PRDM1: variants seen among roughly 807,000 people sequenced by gnomAD.
PRDM1 encodes the protein PR domain zinc finger protein 1.
Under a neutral mutation model 62.8 loss-of-function variants are expected in PRDM1, and 13 were observed. The ratio of observed to expected loss-of-function variants is 0.21; its 90% CI spans 0.13 to 0.33. The LOEUF (loss-of-function observed/expected upper bound fraction) is 0.33. PRDM1 is among the 10% of genes least tolerant of loss of function. The pLI is 1.00. For synonymous variants in PRDM1, 396 were observed against 417.6 expected, an observed-to-expected ratio of 0.95 and a Z score of 0.63; for missense variants, 895 against 1,058.8, an observed-to-expected ratio of 0.85 and a Z score of 2.15.
chr6:106,086,871 A>T (rs1773823659), intron 1 of PRDM1, among the ~76,000 whole-genome samples: 1 of 152,090 alleles, frequency 6.6e-6, no homozygotes, highest in Non-Finnish European at 1.5e-5. Context: ...GAAGTTTTCT[A>T]TTTTATTTTA....
rs2114652393 is a variant in PRDM1, at chr6:106,105,104, C to T, written c.944C>T (p.Ala315Val). The change falls in exon 5 of 7, where the codon GCC becomes GTC. Residue 315 changes from alanine to valine, a missense_variant. Ala to Val is a moderately conservative substitution (Grantham distance 64). Around this residue, in one of 4 missense-constraint regions of PRDM1, gnomAD observed 444 missense variants for 422.7 expected, o/e 1.05. Coordinates refer to ENST00000369096, the MANE Select transcript of PRDM1 (RefSeq NM_001198.4). The part of the protein sequence containing the change: ...LPEDFLKASL[A>V]YGIERPTYIT... ...GAAGACTTTTTGAAAGCTTCCCTGGCCTACGGGATCGAGAGACCCACGTAC... is the reference window on the plus strand; with the variant it reads ...GAAGACTTTTTGAAAGCTTCCCTGGTCTACGGGATCGAGAGACCCACGTAC... The T allele has an allele frequency of 6.2e-7, 1 of 1,614,064 alleles. No individual in the cohort carries two copies. The highest frequency in any genetic ancestry group is 8.5e-7 in the Non-Finnish European group (1 of 1,180,002).
intron 1 of PRDM1, among the ~76,000 whole-genome samples, chr6:106,006,986 A>C (rs1050746199): frequency 1.3e-5 from 2 of 151,952 alleles, no homozygotes; most frequent in Non-Finnish European, 1.5e-5. Context: ...AGTCATGCTT[A>C]TTATCTGCAG....
In PRDM1 at chr6:106,107,027, C is replaced by T. The variant is rs2114662393; in HGVS notation, c.2019C>T (p.His673=). Residue 673 remains histidine (H), a synonymous_variant, in exon 7 of 7, where the codon CAC becomes CAT. Coordinates refer to ENST00000369096, the MANE Select transcript of PRDM1 (RefSeq NM_001198.4). Reference sequence around the variant, plus strand: ...CTGCCAAGTTCACCCAGTTTGTGCACCTGAAACTGCACAAGCGTCTGCACA... The same window carrying T: ...CTGCCAAGTTCACCCAGTTTGTGCATCTGAAACTGCACAAGCGTCTGCACA... ...VCPAKFTQFV[H]LKLHKRLHTR... is the part of the protein sequence containing the mutation. The T allele has an allele frequency of 6.2e-7, 1 of 1,614,184 alleles. No homozygotes were observed. Among genetic ancestry groups the T allele is most frequent in the Non-Finnish European group, 8.5e-7 (1 of 1,180,038 alleles).
At chr6:106,015,806 G>A (rs891556333) in intron 1 of PRDM1, among the ~76,000 whole-genome samples, 3 of 151,570 alleles carry the variant, frequency 2.0e-5, no homozygotes, top group East Asian at 3.9e-4. Context: ...AGGGAGTAGG[G>A]TGTGATTTTT....
At chr6:106,010,242 TTTAC>T (rs1347869983) in intron 1 of PRDM1, among the ~76,000 whole-genome samples, 1 of 152,214 alleles carries the variant, frequency 6.6e-6, no homozygotes, top group East Asian at 1.9e-4. Flanking sequence ...TTTCTAATCC[TTTAC>T]TTACTTGTTT....
intron 1 of PRDM1, among the ~76,000 whole-genome samples, chr6:106,049,008 G>T (rs1773126565): frequency 6.6e-6 from 1 of 152,086 alleles, no homozygotes; most frequent in African/African-American, 2.4e-5. Context: ...TAGAGATGGG[G>T]TTTTGTCATG....
At chr6:106,010,821 GA>G (rs1423147537) in intron 1 of PRDM1, among the ~76,000 whole-genome samples, 2 of 152,296 alleles carry the variant, frequency 1.3e-5, no homozygotes, top group Admixed American at 6.5e-5. Flanking sequence ...ATGGGGCGAT[GA>G]CCTCGAGCCT....
At chr6:106,085,881 A>G (rs559596719), upstream of PRDM1, among the ~76,000 whole-genome samples, 3 of 151,742 alleles carry the variant, frequency 2.0e-5, no homozygotes, top group South Asian at 6.3e-4. Flanking sequence ...CGTGCGTTAC[A>G]TACACAACAG....
At chr6:106,003,347 G>C (rs1293534099) in intron 1 of PRDM1, among the ~76,000 whole-genome samples, 1 of 152,154 alleles carries the variant, frequency 6.6e-6, no homozygotes, top group Non-Finnish European at 1.5e-5. Context: ...AAATAATTTA[G>C]TTAACCCTCA....
chr6:106,084,415 C>T (rs1201900180), upstream of PRDM1, among the ~76,000 whole-genome samples: 3 of 152,184 alleles, frequency 2.0e-5, no homozygotes, highest in Non-Finnish European at 4.4e-5. Flanking sequence ...TGAGTTGATT[C>T]ACTGGCATCT....
intron 1 of PRDM1, among the ~76,000 whole-genome samples, chr6:106,067,512 A>G (rs1773452137): frequency 6.6e-6 from 1 of 152,226 alleles, no homozygotes; most frequent in South Asian, 2.1e-4. Context: ...CAACAGAAGA[A>G]TGGAGAATCA....
intron 1 of PRDM1, among the ~76,000 whole-genome samples, chr6:106,069,564 G>A (rs1773480662): frequency 6.6e-6 from 1 of 152,178 alleles, no homozygotes; most frequent in Non-Finnish European, 1.5e-5. Flanking sequence ...TTAGATGACG[G>A]CATCGCCTCA....
intron 1 of PRDM1, among the ~76,000 whole-genome samples, chr6:105,996,714 G>A (rs564211704): frequency 8.5e-5 from 13 of 152,218 alleles, no homozygotes; most frequent in South Asian, 2.1e-4. Flanking sequence ...TTTTTTTAAA[G>A]TGCCAAGAGA....
At chr6:106,032,283 C>G (rs1391310825) in intron 1 of PRDM1, among the ~76,000 whole-genome samples, 5 of 151,920 alleles carry the variant, frequency 3.3e-5, no homozygotes, top group African/African-American at 9.7e-5. Flanking sequence ...CTAAGCCTCC[C>G]CAGTAGTTGG....
In PRDM1 at chr6:106,086,540, G is replaced by T. The variant is rs1195294786; in HGVS notation, c.-14G>T. Reference sequence around the variant, plus strand: ...GAATGTGGACTGGGTAGAGATGAACGAGACTTTTCTCAGATGTTGGATATT... The same window carrying T: ...GAATGTGGACTGGGTAGAGATGAACTAGACTTTTCTCAGATGTTGGATATT... On this transcript the variant is annotated 5_prime_UTR_variant, in exon 1 of 7. It introduces an in-frame stop codon into an upstream open reading frame of the 5' UTR. Coordinates refer to ENST00000369096, the MANE Select transcript of PRDM1 (RefSeq NM_001198.4). 1 of 1,551,762 alleles carries T rather than the reference G, an allele frequency of 6.4e-7. No homozygotes were observed.
chr6:105,999,435 A>C (rs1772401253), intron 1 of PRDM1, among the ~76,000 whole-genome samples: 1 of 152,070 alleles, frequency 6.6e-6, no homozygotes, highest in African/African-American at 2.4e-5. Flanking sequence ...CAATTAGAAC[A>C]AAATTTGTAT....
chr6:106,028,042 C>G (rs1772789591), intron 1 of PRDM1, among the ~76,000 whole-genome samples: 1 of 152,210 alleles, frequency 6.6e-6, no homozygotes, highest in Non-Finnish European at 1.5e-5. Context: ...CTGCATTCCT[C>G]TTCTACCCTA....
chr6:106,082,634 T>A (rs1461543323), upstream of PRDM1, among the ~76,000 whole-genome samples: 1 of 152,188 alleles, frequency 6.6e-6, no homozygotes, highest in Non-Finnish European at 1.5e-5. Flanking sequence ...TGGAGAACAC[T>A]TACATCTTCA....
intron 1 of PRDM1, among the ~76,000 whole-genome samples, chr6:106,007,751 T>C (rs1420628915): frequency 2.6e-5 from 4 of 152,224 alleles, no homozygotes; most frequent in African/African-American, 9.6e-5. Flanking sequence ...CCTGCCTGCC[T>C]ACCTATTCTT....
Sources: gnomAD v4.1 joint callset for allele counts (sites outside exome capture counted in the v4.1 genomes callset) on GRCh38, gnomAD v4.1.1 for gene constraint, gnomAD v4.1.1 regional missense constraint, MANE v1.5 for transcripts, NCBI Gene and HGNC (gene_info 2026-07-23, HGNC 2026-07-21) for gene names.